The following NAV2 variants were observed in gnomAD, a reference collection of about 807,000 sequenced individuals.
The protein encoded by NAV2 is neuron navigator 2.
A neutral mutation model predicts 223.2 loss-of-function variants in NAV2; 54 were observed. That is an observed-to-expected ratio of 0.24 (90% CI 0.19 to 0.30). The LOEUF (loss-of-function observed/expected upper bound fraction) is 0.30. NAV2 is among the 10% of genes least tolerant of loss of function. The pLI, the probability that NAV2 is intolerant of heterozygous loss-of-function variation, is 1.00. For synonymous variants in NAV2, 1,279 were observed against 1,239.3 expected, an observed-to-expected ratio of 1.03 and a Z score of -0.67; for missense variants, 2,806 against 3,147.5, an observed-to-expected ratio of 0.89 and a Z score of 2.60.
rs541985809 is a variant in NAV2 at position 19,727,785 on chromosome 11, G to A, written c.267+13823G>A. On this transcript the variant is annotated intron_variant, in intron 1 of 37. Transcript: ENST00000349880. ...ATCACTGATGCCATAGAAACTGCCTGACCTTGTGCACACCTGTGTCTCAGT... is the reference window on the plus strand; with the variant it reads ...ATCACTGATGCCATAGAAACTGCCTAACCTTGTGCACACCTGTGTCTCAGT... Among the ~76,000 whole-genome samples the A allele has an allele frequency of 1.5e-4, 23 of 152,322 alleles. No homozygotes were observed. The South Asian group carries it at 4.8e-3, about 32-fold the overall frequency.
chr11:19,517,635 G>C (rs1315471999), intron 1 of NAV2, among the ~76,000 whole-genome samples: 1 of 152,200 alleles, frequency 6.6e-6, no homozygotes, highest in Non-Finnish European at 1.5e-5. Flanking sequence ...AGCAGACTAG[G>C]CTCTTGGCCA....
chr11:19,460,818 C>G (rs1852131818), intron 1 of NAV2, among the ~76,000 whole-genome samples: 1 of 152,142 alleles, frequency 6.6e-6, no homozygotes, highest in Non-Finnish European at 1.5e-5. Context: ...TGGAGGGAAT[C>G]CAAGATGAAC....
chr11:19,574,143 G>A (rs1226961107), intron 1 of NAV2, among the ~76,000 whole-genome samples: 2 of 152,224 alleles, frequency 1.3e-5, no homozygotes, highest in Non-Finnish European at 2.9e-5. Flanking sequence ...CTAGCTAGTT[G>A]TATAAAACTG....
At chr11:19,945,608 T>C (rs1019383115) in intron 8 of NAV2, among the ~76,000 whole-genome samples, 5 of 152,180 alleles carry the variant, frequency 3.3e-5, no homozygotes, top group Non-Finnish European at 7.3e-5. Flanking sequence ...GCTTCCTAAA[T>C]GCTGGGATTA....
chr11:20,102,700 C>A (rs1442044140), intron 32 of NAV2, among the ~76,000 whole-genome samples: 1 of 152,172 alleles, frequency 6.6e-6, no homozygotes, highest in African/African-American at 2.4e-5. Flanking sequence ...CTTCCTCTTC[C>A]ATTTTTGACA....
intron 1 of NAV2, among the ~76,000 whole-genome samples, chr11:19,820,152 C>T (rs1373554477): frequency 6.6e-6 from 1 of 152,236 alleles, no homozygotes; most frequent in Non-Finnish European, 1.5e-5. Flanking sequence ...CAGAGAGAGG[C>T]CTTGTAGTGG....
At chr11:19,486,234 C>G (rs2042440575) in intron 1 of NAV2, among the ~76,000 whole-genome samples, 1 of 152,120 alleles carries the variant, frequency 6.6e-6, no homozygotes, top group Non-Finnish European at 1.5e-5. Context: ...TGCCCGGAAA[C>G]AGGAAGGTCT....
Position 19,632,576 on chromosome 11 carries a change from G to A in NAV2, c.76-199908G>A, listed in dbSNP as rs147658079. On this transcript the variant is annotated intron_variant, in intron 1 of 37. Transcript: ENST00000360655. ...TCCTGCCTGCTGTTGCCTGTTTTGT[G>A]GTTTTCATTGTGGTCAGTTCAAAGA... 5.1e-3 allele frequency among the ~76,000 whole-genome samples: 771 copies of A among 152,212 alleles called. 5 individuals are homozygous for A. Among genetic ancestry groups the A allele is most frequent in the Middle Eastern group, 0.037 (11 of 294 alleles).
intron 1 of NAV2, among the ~76,000 whole-genome samples, chr11:19,538,561 C>T (rs374490409): frequency 2.4e-4 from 37 of 151,058 alleles, no homozygotes; most frequent in African/African-American, 7.5e-4. Flanking sequence ...ACTGTGTTTT[C>T]CTGGCTGATC....
intron 2 of NAV2, among the ~76,000 whole-genome samples, chr11:19,838,243 T>G (rs2060333047): frequency 6.6e-6 from 1 of 151,846 alleles, no homozygotes. Flanking sequence ...CCAGGAGGAG[T>G]GTAGTGATGA....
intron 1 of NAV2, among the ~76,000 whole-genome samples, chr11:19,526,761 C>T (rs144468011): frequency 2.4e-4 from 36 of 152,290 alleles, no homozygotes; most frequent in African/African-American, 7.5e-4. Context: ...TTGGCAACCC[C>T]TTAGGAAATC....
Position 19,961,248 on chromosome 11 carries a change from C to T in NAV2, c.2645+12168C>T, listed in dbSNP as rs560221356. On this transcript the variant is annotated intron_variant, in intron 10 of 37. Coordinates refer to ENST00000349880, the MANE Select transcript of NAV2 (RefSeq NM_145117.5). ...TATAGGTGTGAGTCACTGCACCCGGCCCACGTTTATTTTTATCTTAAGCAT... is the reference window on the plus strand; with the variant it reads ...TATAGGTGTGAGTCACTGCACCCGGTCCACGTTTATTTTTATCTTAAGCAT... Among the ~76,000 whole-genome samples the T allele has an allele frequency of 2.0e-5, 3 of 152,236 alleles. No homozygotes were observed. The South Asian group carries it at 6.2e-4, about 32-fold the overall frequency.
At chr11:19,761,333 A>G (rs762754217) in intron 1 of NAV2, among the ~76,000 whole-genome samples, 2 of 152,216 alleles carry the variant, frequency 1.3e-5, no homozygotes, top group East Asian at 3.8e-4. Context: ...ATGTAGACAA[A>G]ACACGAGTAA....
chr11:19,650,320 G>A (rs2047935207), intron 1 of NAV2, among the ~76,000 whole-genome samples: 8 of 152,142 alleles, frequency 5.3e-5, no homozygotes, highest in Admixed American at 5.2e-4. Flanking sequence ...AGGTATGGGA[G>A]TTAGGCTGCC....
At chr11:19,486,448 C>A (rs1202945244) in intron 1 of NAV2, among the ~76,000 whole-genome samples, 3 of 152,160 alleles carry the variant, frequency 2.0e-5, no homozygotes, top group Non-Finnish European at 2.9e-5. Context: ...CCCCAAATGT[C>A]ATGGAGGGAC....
intron 2 of NAV2, among the ~76,000 whole-genome samples, chr11:19,836,772 A>G (rs2060261542): frequency 6.6e-6 from 1 of 152,182 alleles, no homozygotes. Flanking sequence ...CATATAAACA[A>G]AAGACATTTA....
At chr11:19,711,584 AG>A (rs1418113728), upstream of NAV2, 1 of 152,264 alleles carries the variant, frequency 6.6e-6, no homozygotes. Context: ...AGGGGGACAG[AG>A]TTAATAGCAT....
chr11:19,670,125 GCA>G (rs1173134404), intron 1 of NAV2, among the ~76,000 whole-genome samples: 1 of 152,032 alleles, frequency 6.6e-6, no homozygotes, highest in Non-Finnish European at 1.5e-5. Context: ...CATATGCCAC[GCA>G]CACTGTGTTG....
At chr11:19,412,489 G>A (rs1850187347) in intron 1 of NAV2, among the ~76,000 whole-genome samples, 2 of 152,118 alleles carry the variant, frequency 1.3e-5, no homozygotes, top group Admixed American at 1.3e-4. Context: ...GCGGCTGTGG[G>A]CACAGTTTCA....
Sources: allele counts gnomAD v4.1 joint callset (sites outside exome capture counted in the v4.1 genomes callset), GRCh38; gene constraint gnomAD v4.1.1; transcripts MANE v1.5; gene names NCBI Gene and HGNC (gene_info 2026-07-23, HGNC 2026-07-21).